NRG1: variants seen among roughly 807,000 people sequenced by gnomAD.
NRG1 encodes neuregulin 1, also known as pro-neuregulin-1, membrane-bound isoform.
NRG1 carries 18 observed loss-of-function variants against 63.8 expected under a neutral mutation model. The ratio of observed to expected loss-of-function variants is 0.28; its 90% CI spans 0.19 to 0.42. NRG1 has a LOEUF of 0.42. Among genes scored for constraint, NRG1 ranks in the 10% least tolerant of loss-of-function variants. The pLI, the probability that NRG1 is intolerant of heterozygous loss-of-function variation, is 1.00. For synonymous variants in NRG1, 302 were observed against 301.3 expected, an observed-to-expected ratio of 1.00 and a Z score of -0.02; for missense variants, 762 against 814.7, an observed-to-expected ratio of 0.94 and a Z score of 0.79.
chr8:32,648,122 G>T, intron 5 of NRG1: 1 of 1,614,144 alleles, frequency 6.2e-7, no homozygotes, highest in Non-Finnish European at 8.5e-7. Context: ...CTGTGTGGGT[G>T]TCGTCTGAGG....
chr8:31,900,955 C>T (rs1832026640), intron 1 of NRG1, among the ~76,000 whole-genome samples: 1 of 152,152 alleles, frequency 6.6e-6, no homozygotes, highest in Non-Finnish European at 1.5e-5. Flanking sequence ...TTTTGGGAGA[C>T]ATTTGAAATC....
intron 1 of NRG1, among the ~76,000 whole-genome samples, chr8:31,879,052 G>A (rs1291138873): frequency 6.6e-6 from 1 of 152,028 alleles, no homozygotes; most frequent in Non-Finnish European, 1.5e-5. Flanking sequence ...CATTATCTTT[G>A]CTGTATTCCA....
chr8:32,193,292 C>T lies in NRG1; in HGVS notation c.38-402536C>T, dbSNP rs998528834. Among the ~76,000 whole-genome samples the T allele has an allele frequency of 2.3e-5, 3 of 133,216 alleles. No individual in the cohort carries two copies. The Admixed American group carries it at 2.7e-4, about 12-fold the overall frequency. The allele number at this position is 133,216 out of a possible 152,430, so 87.4% of individuals were successfully genotyped here. The stretch of plus-strand genomic sequence containing the variant: ...TGAATCACATTGATATAGTGCTTTT[C>T]TTTTTCTACCTTTGTGTGTGTGTGT... On this transcript the variant is annotated intron_variant, in intron 1 of 10. Coordinates refer to the NRG1 transcript ENST00000519301.
At chr8:32,009,384 T>G (rs1158325217) in intron 1 of NRG1, among the ~76,000 whole-genome samples, 1 of 152,090 alleles carries the variant, frequency 6.6e-6, no homozygotes, top group East Asian at 1.9e-4. Context: ...AGTCAACATT[T>G]GAGTGTGTAC....
intron 1 of NRG1, among the ~76,000 whole-genome samples, chr8:31,988,577 G>A (rs941432063): frequency 3.3e-5 from 5 of 151,978 alleles, no homozygotes; most frequent in African/African-American, 4.8e-5. Context: ...AAGAAAGGAG[G>A]AAATCTGAGA....
chr8:32,126,059 T>G (rs1321222977), intron 1 of NRG1, among the ~76,000 whole-genome samples: 1 of 151,872 alleles, frequency 6.6e-6, no homozygotes, highest in Non-Finnish European at 1.5e-5. Context: ...GACTGCAGAC[T>G]CCAAGACAGG....
At chr8:32,621,421 A>G (rs930947845) in intron 5 of NRG1, among the ~76,000 whole-genome samples, 6 of 152,234 alleles carry the variant, frequency 3.9e-5, no homozygotes, top group African/African-American at 1.4e-4. Context: ...TTATAGAATC[A>G]GCAGAAGTAA....
intron 1 of NRG1, among the ~76,000 whole-genome samples, chr8:31,815,836 G>GT (rs889319698): frequency 3.8e-4 from 58 of 150,902 alleles, no homozygotes; most frequent in African/African-American, 9.0e-4. Context: ...TTTTTTCTGA[G>GT]TTTTTTTTTC....
intron 1 of NRG1, among the ~76,000 whole-genome samples, chr8:31,826,211 A>C (rs568855970): frequency 6.6e-6 from 1 of 152,268 alleles, no homozygotes; most frequent in Admixed American, 6.5e-5. Flanking sequence ...GACATCCTCC[A>C]AGAGAGCAGA....
At chr8:32,353,693 A>G (rs1805953077) in intron 1 of NRG1, among the ~76,000 whole-genome samples, 1 of 152,218 alleles carries the variant, frequency 6.6e-6, no homozygotes, top group Non-Finnish European at 1.5e-5. Flanking sequence ...ATGTGGAGGA[A>G]CTGAAGTTCT....
In NRG1 at chr8:31,916,003, A is replaced by G. The variant is rs574222123; in HGVS notation, c.37+276572A>G. On this transcript the variant is annotated intron_variant, in intron 1 of 10. Transcript: ENST00000519301. The stretch of plus-strand genomic sequence containing the variant: ...CACTTTAGTTTTACTTACTTCCAGC[A>G]CATTTCATGGGAAATGGAGATGTCC... 3.9e-5 allele frequency among the ~76,000 whole-genome samples: 6 copies of G among 152,244 alleles called. No homozygotes were observed. In the East Asian group the frequency reaches 1.2e-3, roughly 30 times the overall value.
intron 1 of NRG1, among the ~76,000 whole-genome samples, chr8:32,168,591 T>C (rs888801812): frequency 2.6e-5 from 4 of 152,230 alleles, no homozygotes; most frequent in Admixed American, 2.6e-4. Context: ...TGGGGGGCCT[T>C]CTACAAAGAG....
intron 1 of NRG1, among the ~76,000 whole-genome samples, chr8:31,836,976 A>G (rs955150758): frequency 6.6e-6 from 1 of 152,110 alleles, no homozygotes; most frequent in African/African-American, 2.4e-5. Flanking sequence ...GACAGGTGGA[A>G]TAAAATCTCA....
rs192559949 is a variant in NRG1, at chr8:32,173,824, C to A, written c.38-422004C>A. On this transcript the variant is annotated intron_variant, in intron 1 of 10. Transcript: ENST00000519301. ...AATATATATGCACCCAATACAGGAG[C>A]ACCCAGATTCATAAAGCAAGTCCTT... Among the ~76,000 whole-genome samples the A allele has an allele frequency of 9.9e-5, 15 of 152,248 alleles. No homozygotes were observed. The East Asian group carries it at 2.1e-3, about 22-fold the overall frequency.
At chr8:32,649,656 T>G (rs1854565914) in intron 5 of NRG1, among the ~76,000 whole-genome samples, 1 of 152,204 alleles carries the variant, frequency 6.6e-6, no homozygotes, top group Admixed American at 6.5e-5. Context: ...AAACTTGATT[T>G]GTGCTTGTAA....
chr8:32,516,688 CT>C (rs1321582269), intron 1 of NRG1, among the ~76,000 whole-genome samples: 1 of 152,028 alleles, frequency 6.6e-6, no homozygotes, highest in African/African-American at 2.4e-5. Flanking sequence ...TTTTGTGTGG[CT>C]ATTATAAATG....
At chr8:31,679,996 A>G (rs867520801) in intron 1 of NRG1, among the ~76,000 whole-genome samples, 1 of 152,118 alleles carries the variant, frequency 6.6e-6, no homozygotes, top group South Asian at 2.1e-4. Context: ...TCTTAGAAAA[A>G]CAGGAAAAGA....
At chr8:32,002,002 G>C (rs1813008261) in intron 1 of NRG1, among the ~76,000 whole-genome samples, 2 of 151,924 alleles carry the variant, frequency 1.3e-5, no homozygotes, top group Admixed American at 1.3e-4. Context: ...CCCACTGGAG[G>C]GTGAAATATC....
At chr8:32,256,487 C>T (rs1253113857) in intron 1 of NRG1, 1 of 152,388 alleles carries the variant, frequency 6.6e-6, no homozygotes, top group Non-Finnish European at 1.5e-5. Flanking sequence ...CACTCGAGAC[C>T]CTGTTTGTGT....
Sources: allele counts gnomAD v4.1 joint callset (sites outside exome capture counted in the v4.1 genomes callset), GRCh38; gene constraint gnomAD v4.1.1; transcripts MANE v1.5; gene names NCBI Gene and HGNC (gene_info 2026-07-23, HGNC 2026-07-21).